Variants in NBPF12 observed in about 807,000 individuals in gnomAD.
NBPF12 encodes NBPF family member NBPF12.
NBPF12 carries 115 observed loss-of-function variants against 146.4 expected under a neutral mutation model. The observed-to-expected ratio is 0.79, with a 90% CI of 0.68 to 0.92. The LOEUF (loss-of-function observed/expected upper bound fraction) is 0.92, where lower values mean the gene tolerates loss of function less well. NBPF12 is among the 40% of genes least tolerant of loss of function. The pLI is 0.00. For synonymous variants in NBPF12, 385 were observed against 508.9 expected (o/e 0.76, Z 3.28); for missense variants, 1,205 against 1,326.8 (o/e 0.91, Z 1.43).
chr1:146,983,245 A>C, intron 20 of NBPF12, 154 bp downstream of exon 23: 1 of 761,542 alleles, frequency 1.3e-6, no homozygotes, highest in South Asian at 1.6e-5. Context: ...TCTGGAGTCG[A>C]GTCTGAAGCA....
At chr1:146,943,877 C>T (rs1654908556) in intron 2 of NBPF12, among the ~76,000 whole-genome samples, 1 of 142,052 alleles carries the variant, frequency 7.0e-6, no homozygotes, top group Non-Finnish European at 1.5e-5. Context: ...ATTCTCTGCC[C>T]CCATTTCTGT....
intron 2 of NBPF12, among the ~76,000 whole-genome samples, chr1:146,955,969 T>G (rs1485907870): frequency 6.7e-6 from 1 of 150,258 alleles, no homozygotes; most frequent in Non-Finnish European, 1.5e-5. Flanking sequence ...AGCCTTTGTA[T>G]AAGGGCACTG....
intron 6 of NBPF12, among the ~76,000 whole-genome samples, chr1:146,963,851 G>T (rs1187248510): frequency 2.1e-5 from 3 of 145,950 alleles, no homozygotes; most frequent in Admixed American, 6.9e-5. Flanking sequence ...GGGGGCATTT[G>T]GTGGTAGGAA....
At chr1:146,973,986 C>G (rs1656827529) in intron 14 of NBPF12, among the ~76,000 whole-genome samples, 2 of 150,842 alleles carry the variant, frequency 1.3e-5, no homozygotes, top group African/African-American at 2.5e-5. Flanking sequence ...AGTTGCTTGT[C>G]TTGTCTGTCC....
Position 146,962,269 on chromosome 1 carries a change from G to T in NBPF12, c.278+6G>T. ...AAACAAGCTGAGGAGCTCAGGTGAG[G>T]GGACCCCATGGGGGGAGGCAGGCGG... is the stretch of plus-strand genomic sequence containing the variant. On this transcript the variant is annotated splice_donor_region_variant and intron_variant, in intron 5 of 33. Coordinates refer to ENST00000617844, the Ensembl canonical transcript of NBPF12. 6.2e-7 allele frequency: 1 copy of T among 1,601,968 alleles called. No homozygotes were observed. The highest frequency in any genetic ancestry group is 8.5e-7 in the Non-Finnish European group (1 of 1,176,966).
At chr1:146,961,523 C>A (rs1469227820) in intron 4 of NBPF12, among the ~76,000 whole-genome samples, 1 of 152,138 alleles carries the variant, frequency 6.6e-6, no homozygotes, top group African/African-American at 2.4e-5. Context: ...TAAATTAACA[C>A]AAACTAATCT....
At chr1:146,994,479 C>A (rs1393052438) in exon 34 of NBPF12, 21 of 1,607,280 alleles carry the variant, frequency 1.3e-5, no homozygotes, top group Non-Finnish European at 1.7e-5. Context: ...AGGAACAGCA[C>A]ATCACCTTTG....
chr1:146,964,146 G>A (rs1656038595), intron 6 of NBPF12, among the ~76,000 whole-genome samples: 3 of 147,488 alleles, frequency 2.0e-5, no homozygotes, highest in Non-Finnish European at 4.5e-5. Context: ...TCAGTATTTG[G>A]CCACATCTTG....
rs1553885386 is a variant in NBPF12, at chr1:146,964,946, G to A, written c.620G>A (p.Cys207Tyr). The A allele has an allele frequency of 2.3e-3, 3,702 of 1,608,168 alleles. 158 individuals are homozygous for A. The African/African-American group carries it at 0.045, about 20-fold the overall frequency. Reference sequence around the variant, plus strand: ...GTCCCTGAGGACTCACTGGAGGAATGTGCCATCACTTGTTCAAATAGCCAC... The same window carrying A: ...GTCCCTGAGGACTCACTGGAGGAATATGCCATCACTTGTTCAAATAGCCAC... The change falls in exon 8 of 34, where the codon TGT becomes TAT. Residue 207 changes from cysteine (C) to tyrosine (Y), a missense_variant. Around this residue, in one of 16 missense-constraint regions of NBPF12, gnomAD observed 325 missense variants for 236.6 expected, o/e 1.37. Coordinates refer to ENST00000617844, the Ensembl canonical transcript of NBPF12.
At chr1:146,981,185 A>T (rs1191792247) in intron 19 of NBPF12, among the ~76,000 whole-genome samples, 2 of 136,094 alleles carry the variant, frequency 1.5e-5, no homozygotes, top group African/African-American at 5.5e-5. Flanking sequence ...ATGTTAAATG[A>T]TGAGTTAATG....
chr1:146,950,277 T>G (rs1252483757), intron 1 of NBPF12, among the ~76,000 whole-genome samples: 1 of 151,738 alleles, frequency 6.6e-6, no homozygotes, highest in African/African-American at 2.4e-5. Flanking sequence ...CAGGTGTGAA[T>G]GAGGCTTCCG....
rs1553885422 is a variant in NBPF12, at chr1:146,965,026, G to T, written c.700G>T (p.Asp234Tyr). The change falls in exon 8 of 34, where the codon GAC becomes TAC. Residue 234 changes from aspartate to tyrosine, a missense_variant. Coordinates refer to ENST00000617844, the Ensembl canonical transcript of NBPF12. ...GAACATCAAAATCACATTTGAGGAAGACAAAGTCAACTCAACTGTGGTTGT... is the reference window on the plus strand; with the variant it reads ...GAACATCAAAATCACATTTGAGGAATACAAAGTCAACTCAACTGTGGTTGT... The T allele has an allele frequency of 8.9e-5, 143 of 1,608,538 alleles. 2 individuals carry two copies. The highest frequency in any genetic ancestry group is 1.2e-4 in the Non-Finnish European group (140 of 1,178,750).
Position 146,968,557 on chromosome 1 carries a change from G to A in NBPF12, c.1091+7G>A. On this transcript the variant is annotated splice_region_variant and intron_variant, in intron 10 of 33. Transcript: ENST00000617844. ...AGCAAGCTGAGGAGCTCAGGTGAGG[G>A]GACCCCATGGGGGCAGGCAGGGGGG... The A allele has an allele frequency of 1.9e-6, 3 of 1,595,382 alleles. No individual in the cohort carries two copies. Among genetic ancestry groups the A allele is most frequent in the Non-Finnish European group, 1.7e-6 (2 of 1,164,564 alleles).
chr1:146,972,834 A>T, exon 14 of NBPF12: 1 of 1,349,404 alleles, frequency 7.4e-7, no homozygotes, highest in Non-Finnish European at 1.1e-6. Context: ...AGAGATGAAC[A>T]TTCTAGAAAT....
At chr1:146,985,964 T>C (rs1425442680) in intron 23 of NBPF12, among the ~76,000 whole-genome samples, 13 of 151,294 alleles carry the variant, frequency 8.6e-5, no homozygotes, top group African/African-American at 3.2e-4. Context: ...AGGTTGACCA[T>C]ACCTCAAAGG....
At chr1:146,985,203 G>A (rs1338127062) in intron 22 of NBPF12, among the ~76,000 whole-genome samples, 5 of 138,000 alleles carry the variant, frequency 3.6e-5, no homozygotes, top group Admixed American at 3.1e-4. Context: ...GGCCCTGCCT[G>A]TGGCACCCTA....
chr1:146,975,436 T>A (rs1298586417), intron 15 of NBPF12, among the ~76,000 whole-genome samples: 2 of 150,300 alleles, frequency 1.3e-5, no homozygotes, highest in Non-Finnish European at 1.5e-5. Context: ...TACTTTTGTT[T>A]ACAGAGGGGA....
chr1:146,964,783 T>G lies in NBPF12; in HGVS notation c.567-110T>G. 6 of 1,579,692 alleles carry G rather than the reference T, an allele frequency of 3.8e-6. No homozygotes were observed. In the South Asian group the frequency reaches 5.5e-5, roughly 15 times the overall value. On this transcript the variant is annotated intron_variant, in intron 7 of 33. Coordinates refer to ENST00000617844, the Ensembl canonical transcript of NBPF12. Reference sequence around the variant, plus strand: ...CTCTTTAAGGGAACCTCCATTTTGCTTTCTGGGACCACTCTCTTAATGCCG... The same window carrying G: ...CTCTTTAAGGGAACCTCCATTTTGCGTTCTGGGACCACTCTCTTAATGCCG...
upstream of NBPF12, among the ~76,000 whole-genome samples, chr1:146,948,467 C>T (rs1382988377): frequency 1.6e-4 from 25 of 151,638 alleles, no homozygotes; most frequent in African/African-American, 5.6e-4. Context: ...CTCCCTAAGA[C>T]ATGGGCTGTG....
Sources: allele counts gnomAD v4.1 joint callset (sites outside exome capture counted in the v4.1 genomes callset), GRCh38; gene constraint gnomAD v4.1.1; regional missense constraint gnomAD v4.1.1; transcripts MANE v1.5; gene names NCBI Gene and HGNC (gene_info 2026-07-23, HGNC 2026-07-21).